The following NBEA variants were observed in gnomAD, a reference collection of about 807,000 sequenced individuals.
NBEA encodes the protein neurobeachin, also known as lysosomal-trafficking regulator 2.
Under a neutral mutation model 343.4 loss-of-function variants are expected in NBEA, and 44 were observed. That is an observed-to-expected ratio of 0.13 (90% CI 0.10 to 0.16). The LOEUF (loss-of-function observed/expected upper bound fraction) is 0.16, where lower values mean the gene tolerates loss of function less well. Ranked by LOEUF, NBEA falls within the 10% of genes least tolerant of loss-of-function variation. The pLI is 1.00. For synonymous variants in NBEA, 1,175 were observed against 1,238.7 expected (o/e 0.95, Z 1.08); for missense variants, 2,555 against 3,631.3 (o/e 0.70, Z 7.62).
intron 34 of NBEA, among the ~76,000 whole-genome samples, chr13:35,281,489 G>A (rs964877081): frequency 3.3e-5 from 5 of 152,028 alleles, no homozygotes; most frequent in African/African-American, 7.2e-5. Flanking sequence ...AGTGAGGTTC[G>A]CCTGACTGAC....
intron 33 of NBEA, among the ~76,000 whole-genome samples, chr13:35,216,374 G>A (rs953247807): frequency 6.6e-6 from 1 of 151,926 alleles, no homozygotes; most frequent in South Asian, 2.1e-4. Flanking sequence ...GCCTATCACT[G>A]CTGTCACATT....
intron 39 of NBEA, among the ~76,000 whole-genome samples, chr13:35,437,997 G>A (rs944113955): frequency 2.0e-5 from 3 of 152,002 alleles, no homozygotes; most frequent in Non-Finnish European, 2.9e-5. Context: ...AAATTACAGT[G>A]GAACAATGTT....
intron 49 of NBEA, among the ~76,000 whole-genome samples, chr13:35,633,320 T>G (rs2083548969): frequency 6.6e-6 from 1 of 151,130 alleles, no homozygotes; most frequent in South Asian, 2.1e-4. Flanking sequence ...GCCAGGATGG[T>G]CTCAATTTCC....
At chr13:34,949,500 C>T (rs948763813) in intron 1 of NBEA, among the ~76,000 whole-genome samples, 4 of 152,074 alleles carry the variant, frequency 2.6e-5, no homozygotes, top group Non-Finnish European at 5.9e-5. Flanking sequence ...GGAAAATCTG[C>T]GTTATGGAGG....
At chr13:35,574,097 A>G (rs922913562) in intron 45 of NBEA, among the ~76,000 whole-genome samples, 4 of 152,146 alleles carry the variant, frequency 2.6e-5, no homozygotes, top group African/African-American at 9.7e-5. Flanking sequence ...CTTAGGAACT[A>G]TCTTGGGATA....
At position 35,646,276 on chromosome 13, in the gene NBEA, A is replaced by G; in HGVS notation, c.7698A>G (p.Ile2566Met). 1 of 1,613,556 alleles carries G rather than the reference A, an allele frequency of 6.2e-7. No individual in the cohort carries two copies. The highest frequency in any genetic ancestry group is 1.1e-5 in the South Asian group (1 of 90,888). Residue 2566 changes from isoleucine to methionine, a missense_variant, in exon 51 of 59, where the codon ATA (isoleucine) becomes ATG (methionine). Coordinates refer to ENST00000379939, the MANE Select transcript of NBEA (RefSeq NM_001385012.1). ...KDFIKAMEAQIQNFGQTPSQL... is the reference protein window; with the variant it reads ...KDFIKAMEAQMQNFGQTPSQL... ...CCCTGCAGGCCATGGAGGCACAGAT[A>G]CAGAACTTTGGACAGACGCCATCTC...
At chr13:35,473,162 T>G (rs960673261) in intron 41 of NBEA, among the ~76,000 whole-genome samples, 1 of 152,222 alleles carries the variant, frequency 6.6e-6, no homozygotes, top group Non-Finnish European at 1.5e-5. Context: ...TAAATGCATA[T>G]TTATTAAATG....
intron 34 of NBEA, among the ~76,000 whole-genome samples, chr13:35,247,293 C>G (rs1002723084): frequency 6.6e-6 from 1 of 152,188 alleles, no homozygotes; most frequent in African/African-American, 2.4e-5. Flanking sequence ...CCCCCAAGTT[C>G]TGCCAGGAAA....
At chr13:35,660,833 G>A (rs1353102114) in intron 55 of NBEA, among the ~76,000 whole-genome samples, 3 of 152,146 alleles carry the variant, frequency 2.0e-5, no homozygotes, top group Admixed American at 6.5e-5. Flanking sequence ...ATCACTTCTC[G>A]GAGCAAAGAA....
chr13:35,384,835 A>G (rs2042171430), intron 38 of NBEA, among the ~76,000 whole-genome samples: 1 of 151,878 alleles, frequency 6.6e-6, no homozygotes, highest in Non-Finnish European at 1.5e-5. Flanking sequence ...CTGTTTTTTA[A>G]TTACTTATTT....
chr13:35,376,320 G>A (rs981972598), intron 38 of NBEA, among the ~76,000 whole-genome samples: 2 of 152,112 alleles, frequency 1.3e-5, no homozygotes, highest in Non-Finnish European at 2.9e-5. Flanking sequence ...CACTTTTTAA[G>A]ATTGTTGTCT....
intron 39 of NBEA, among the ~76,000 whole-genome samples, chr13:35,445,797 T>TAC (rs1555267143): frequency 1.7e-4 from 14 of 83,444 alleles, no homozygotes; most frequent in East Asian, 1.1e-3. Context: ...TATATATATA[T>TAC]ATATATATAT....
chr13:35,308,276 A>C (rs1414170786), intron 35 of NBEA, among the ~76,000 whole-genome samples: 1 of 151,230 alleles, frequency 6.6e-6, no homozygotes, highest in Non-Finnish European at 1.5e-5. Context: ...CTGTACAACC[A>C]ACACCTTATT....
intron 48 of NBEA, among the ~76,000 whole-genome samples, chr13:35,611,871 G>C (rs1449663530): frequency 6.6e-6 from 1 of 152,182 alleles, no homozygotes; most frequent in Non-Finnish European, 1.5e-5. Flanking sequence ...GCTATGAACA[G>C]TCATATACAA....
intron 36 of NBEA, among the ~76,000 whole-genome samples, chr13:35,317,983 G>A (rs1035247287): frequency 1.3e-5 from 2 of 152,148 alleles, no homozygotes; most frequent in African/African-American, 4.8e-5. Flanking sequence ...TTGCTTATCA[G>A]CTTAAGGAGA....
chr13:35,463,808 G>C (rs968296951), intron 40 of NBEA, among the ~76,000 whole-genome samples: 2 of 152,038 alleles, frequency 1.3e-5, no homozygotes, highest in Non-Finnish European at 2.9e-5. Context: ...AACAAAGAAG[G>C]GAAGAAAGGA....
At chr13:35,198,743 G>A (rs1023877175) in intron 31 of NBEA, among the ~76,000 whole-genome samples, 2 of 151,838 alleles carry the variant, frequency 1.3e-5, no homozygotes, top group African/African-American at 2.4e-5. Flanking sequence ...TGTAAATGAT[G>A]AGGTGATATT....
chr13:35,472,475 C>T lies in NBEA; in HGVS notation c.6524C>T (p.Thr2175Met), dbSNP rs1405928095. 2.5e-6 allele frequency: 4 copies of T among 1,613,828 alleles called. No individual in the cohort carries two copies. The highest frequency in any genetic ancestry group is 3.4e-6 in the Non-Finnish European group (4 of 1,179,898). Residue 2175 changes from threonine (T) to methionine (M), a missense_variant, in exon 41 of 59, where the codon ACG becomes ATG. Transcript: ENST00000379939. The stretch of plus-strand genomic sequence containing the variant: ...GCCAAGGGGACTCTCTCCATCACCA[C>T]GACAGAAATCTACTTCGAGGTAGAT... ...VVAKGTLSIT[T>M]TEIYFEVDED...
intron 48 of NBEA, among the ~76,000 whole-genome samples, chr13:35,607,508 G>A (rs568446469): frequency 1.4e-4 from 21 of 152,176 alleles, no homozygotes; most frequent in African/African-American, 4.6e-4. Context: ...CCTCTCTAGT[G>A]TACTCTTGAA....
Sources: allele counts gnomAD v4.1 joint callset (sites outside exome capture counted in the v4.1 genomes callset), GRCh38; gene constraint gnomAD v4.1.1; transcripts MANE v1.5; gene names NCBI Gene and HGNC (gene_info 2026-07-23, HGNC 2026-07-21).